The following KLHL13 variants were observed in gnomAD, a reference collection of about 807,000 sequenced individuals.
KLHL13 encodes kelch-like protein 13.
Under a neutral mutation model 37.1 loss-of-function variants are expected in KLHL13, and 10 were observed. The ratio of observed to expected loss-of-function variants is 0.27; its 90% CI spans 0.17 to 0.46. The LOEUF is 0.46. Among genes scored for constraint, KLHL13 ranks in the 20% least tolerant of loss-of-function variants. The probability of loss-of-function intolerance (pLI) is 1.00; values close to 1 mark genes in which losing one functional copy is unlikely to be tolerated. For missense variants in KLHL13, 360 were observed against 509.3 expected, an observed-to-expected ratio of 0.71 and a Z score of 2.82; for synonymous variants, 163 against 181.2, an observed-to-expected ratio of 0.90 and a Z score of 0.81.
At chrX:117,908,241 C>T (rs1404751356) in intron 5 of KLHL13, among the ~76,000 whole-genome samples, 2 of 107,758 alleles carry the variant, frequency 1.9e-5, no homozygotes, top group South Asian at 3.9e-4. Context: ...TATTTATTTA[C>T]TTATTTATTT....
At chrX:118,099,098 T>G in intron 1 of KLHL13, among the ~76,000 whole-genome samples, 1 of 107,173 alleles carries the variant, frequency 9.3e-6, no homozygotes, top group Non-Finnish European at 1.9e-5. Context: ...ACTCTAAAAC[T>G]TAAAGTATAA....
chrX:118,108,752 T>C (rs2055373259), intron 1 of KLHL13, among the ~76,000 whole-genome samples: 1 of 112,465 alleles, frequency 8.9e-6, no homozygotes, highest in African/African-American at 3.2e-5. Flanking sequence ...TGAACTGTGC[T>C]GCTTTAAGTT....
intron 5 of KLHL13, among the ~76,000 whole-genome samples, chrX:117,907,309 A>G (rs1930611533): frequency 9.0e-6 from 1 of 111,291 alleles, no homozygotes; most frequent in South Asian, 3.7e-4. Flanking sequence ...CTTGGCCTGA[A>G]GATTAAAAAC....
intron 1 of KLHL13, among the ~76,000 whole-genome samples, chrX:118,052,663 TA>T (rs371970376): frequency 3.9e-5 from 4 of 101,317 alleles, no homozygotes; most frequent in East Asian, 3.0e-4. Flanking sequence ...CCGTCTCTAC[TA>T]AAAAAAAAAC....
intron 2 of KLHL13, among the ~76,000 whole-genome samples, chrX:117,932,475 G>A (rs1258537241): frequency 1.8e-5 from 2 of 111,487 alleles, no homozygotes; most frequent in African/African-American, 3.3e-5. Flanking sequence ...TTAACATAAT[G>A]TCTTCCAGGT....
intron 1 of KLHL13, among the ~76,000 whole-genome samples, chrX:118,036,901 AAAAC>A (rs1173561206): frequency 3.9e-5 from 4 of 102,948 alleles, no homozygotes; most frequent in Non-Finnish European, 7.9e-5. Context: ...TTACAAGAAA[AAAAC>A]AAACAACCCC....
chrX:118,095,377 C>T (rs1282552054), intron 1 of KLHL13, among the ~76,000 whole-genome samples: 1 of 110,427 alleles, frequency 9.1e-6, no homozygotes, highest in Non-Finnish European at 1.9e-5. Context: ...ACAGGAGCAC[C>T]CAGATTCATA....
chrX:118,105,874 A>G (rs1331094048), intron 1 of KLHL13, among the ~76,000 whole-genome samples: 4 of 95,690 alleles, frequency 4.2e-5, no homozygotes, highest in African/African-American at 1.1e-4. Context: ...ATATTAAAGG[A>G]TCCTTTGGTC....
At chrX:118,071,122 T>C (rs1420566418) in intron 1 of KLHL13, among the ~76,000 whole-genome samples, 1 of 112,106 alleles carries the variant, frequency 8.9e-6, no homozygotes, top group Admixed American at 9.5e-5. Flanking sequence ...TTCCATGGTG[T>C]ATATGTGCCA....
intron 1 of KLHL13, among the ~76,000 whole-genome samples, chrX:118,077,064 G>C (rs751627728): frequency 9.8e-4 from 109 of 110,762 alleles, no homozygotes; most frequent in African/African-American, 3.5e-3. Context: ...CCACCTCTGT[G>C]TTTCCTCTTG....
rs974967535 is a variant in KLHL13 at position 118,089,702 on chromosome X, G to C, written c.-56+26806C>G. 8.3e-5 allele frequency among the ~76,000 whole-genome samples: 9 copies of C among 109,039 alleles called. No homozygotes were observed. The Admixed American group carries it at 8.8e-4, about 11-fold the overall frequency. 94.7% of individuals were successfully genotyped at this position (109,039 alleles called of 115,157 possible). On this transcript the variant is annotated intron_variant, in intron 1 of 6. Coordinates refer to the KLHL13 transcript ENST00000371882. ...GTTTCAATGAGATCCAGAATCTTAC[G>C]ATATAATGCCTAAAATGTCCAGGTT...
At chrX:117,899,335 T>C in exon 7 of KLHL13, 2 of 1,210,706 alleles carry the variant, frequency 1.7e-6, no homozygotes, top group Non-Finnish European at 2.2e-6. Context: ...CTGGATCCAT[T>C]TGTCAGTATC....
intron 1 of KLHL13, chrX:117,983,544 T>C: frequency 8.8e-7 from 1 of 1,138,706 alleles, no homozygotes; most frequent in Non-Finnish European, 1.2e-6. Flanking sequence ...TGCCTCCGTC[T>C]CCTGAAAGTG....
At chrX:117,955,901 A>G (rs1323687079) in intron 1 of KLHL13, among the ~76,000 whole-genome samples, 1 of 111,555 alleles carries the variant, frequency 9.0e-6, no homozygotes, top group Non-Finnish European at 1.9e-5. Context: ...CTTCACTGTT[A>G]CTTACAGCCC....
chrX:117,947,582 C>T (rs779791128), intron 1 of KLHL13: 8 of 112,109 alleles, frequency 7.1e-5, no homozygotes, highest in African/African-American at 2.6e-4. Context: ...AAACAGAAAG[C>T]AAAAAGTGAA....
intron 1 of KLHL13, chrX:117,972,627 A>C: frequency 3.4e-6 from 2 of 580,824 alleles, no homozygotes; most frequent in South Asian, 6.0e-5. Context: ...TTAATCCTGT[A>C]GGTTTTTGGA....
chrX:117,913,549 T>TA (rs1321697117), intron 4 of KLHL13, among the ~76,000 whole-genome samples: 1 of 112,178 alleles, frequency 8.9e-6, no homozygotes, highest in Non-Finnish European at 1.9e-5. Flanking sequence ...CATTGGCATT[T>TA]AAAAAGAACA....
intron 1 of KLHL13, among the ~76,000 whole-genome samples, chrX:118,002,595 AAAATAAATAAATAAAT>A (rs571584663): frequency 7.5e-4 from 71 of 94,171 alleles, no homozygotes; most frequent in African/African-American, 2.2e-3. Flanking sequence ...CTCTGTCTCG[AAAATAAATAAATAAAT>A]AAATAAATAA....
intron 1 of KLHL13, among the ~76,000 whole-genome samples, chrX:118,080,138 A>G (rs946522691): frequency 3.6e-5 from 4 of 111,795 alleles, no homozygotes; most frequent in Admixed American, 1.9e-4. Flanking sequence ...CTCAAAATGG[A>G]TTAAAAATTT....
Sources: gnomAD v4.1 joint callset for allele counts (sites outside exome capture counted in the v4.1 genomes callset) on GRCh38, gnomAD v4.1.1 for gene constraint, MANE v1.5 for transcripts, NCBI Gene and HGNC (gene_info 2026-07-23, HGNC 2026-07-21) for gene names.